The following GJC1 variants were observed in gnomAD, a reference collection of about 807,000 sequenced individuals.
GJC1 encodes the protein gap junction gamma-1 protein.
A neutral mutation model predicts 29.3 loss-of-function variants in GJC1; 5 were observed. That is an observed-to-expected ratio of 0.17 (90% CI 0.09 to 0.36). The LOEUF is 0.36. Among genes scored for constraint, GJC1 ranks in the 10% least tolerant of loss-of-function variants. The pLI, the probability that GJC1 is intolerant of heterozygous loss-of-function variation, is 1.00. For missense variants in GJC1, 310 were observed against 496.2 expected (o/e 0.62, Z 3.56); for synonymous variants, 177 against 183.3 (o/e 0.97, Z 0.28).
At chr17:44,825,188 C>CAAAAAAAAA (rs1162077867) in intron 1 of GJC1, among the ~76,000 whole-genome samples, 13 of 45,980 alleles carry the variant, frequency 2.8e-4, no homozygotes, top group African/African-American at 4.1e-4. Flanking sequence ...GTCTCAATTA[C>CAAAAAAAAA]AAAAAAAAAA....
chr17:44,811,947 G>A (rs2049987643), intron 1 of GJC1, among the ~76,000 whole-genome samples: 1 of 151,448 alleles, frequency 6.6e-6, no homozygotes, highest in Non-Finnish European at 1.5e-5. Flanking sequence ...AGGTTGCAGT[G>A]AGCCGAGATC....
At chr17:44,824,601 C>G (rs2050148575) in intron 1 of GJC1, among the ~76,000 whole-genome samples, 1 of 151,946 alleles carries the variant, frequency 6.6e-6, no homozygotes, top group African/African-American at 2.4e-5. Flanking sequence ...GCACTCCAGA[C>G]TGGGTGACAC....
At chr17:44,821,138 G>A (rs2145355795) in intron 1 of GJC1, among the ~76,000 whole-genome samples, 1 of 152,308 alleles carries the variant, frequency 6.6e-6, no homozygotes, top group Admixed American at 6.5e-5. Flanking sequence ...CTATTTGAAT[G>A]TAAGAACCTT....
downstream of GJC1, among the ~76,000 whole-genome samples, chr17:44,795,468 C>T (rs1406124538): frequency 2.6e-5 from 4 of 152,178 alleles, no homozygotes; most frequent in South Asian, 2.1e-4. Flanking sequence ...CTCCTGACCT[C>T]GTGATCCACC....
chr17:44,804,579 G>A lies in GJC1; in HGVS notation c.*48C>T. On this transcript the variant is annotated 3_prime_UTR_variant, in exon 3 of 3. Transcript: ENST00000592524. ...AATGGAAGTCATTATTCAGTGAGCT[G>A]CTGCTTACCATAAACTATGAAAAGC... The A allele has an allele frequency of 7.4e-7, 1 of 1,358,468 alleles. No homozygotes were observed. The highest frequency in any genetic ancestry group is 1.0e-6 in the Non-Finnish European group (1 of 971,228). 84.2% of individuals were successfully genotyped at this position (1,358,468 alleles called of 1,614,324 possible). A position where few individuals can be genotyped will look rare whatever the true frequency, so the allele number is the denominator to read the frequency against.
intron 1 of GJC1, among the ~76,000 whole-genome samples, chr17:44,828,497 A>T (rs1354658185): frequency 6.6e-6 from 1 of 152,208 alleles, no homozygotes; most frequent in African/African-American, 2.4e-5. Flanking sequence ...ATATTAACAG[A>T]CCTTCCATAC....
At chr17:44,807,922 C>G (rs1320663477) in intron 1 of GJC1, 1 of 152,142 alleles carries the variant, frequency 6.6e-6, no homozygotes, top group Non-Finnish European at 1.5e-5. Context: ...AGCTAAAACA[C>G]CCAACAGCTG....
In GJC1 at chr17:44,801,764, C is replaced by T. The variant is rs1363875311; in HGVS notation, c.*2863G>A. ...GATTGCAGGCGTCCACCCAGCACTCCTGGCTAATTTCTGTATTTTTAGTAG... is the reference window on the plus strand; with the variant it reads ...GATTGCAGGCGTCCACCCAGCACTCTTGGCTAATTTCTGTATTTTTAGTAG... On this transcript the variant is annotated 3_prime_UTR_variant, in exon 3 of 3. Transcript: ENST00000592524. 4 of 152,168 alleles carry T rather than the reference C, an allele frequency of 2.6e-5. No homozygotes were observed. The highest frequency in any genetic ancestry group is 5.9e-5 in the Non-Finnish European group (4 of 68,074). 9.4% of individuals were successfully genotyped at this position (152,168 alleles called of 1,614,324 possible).
chr17:44,808,965 T>C (rs1332578411), intron 1 of GJC1, among the ~76,000 whole-genome samples: 1 of 151,984 alleles, frequency 6.6e-6, no homozygotes, highest in African/African-American at 2.4e-5. Flanking sequence ...TCCCAGCTAT[T>C]TGGGAGGCTG....
downstream of GJC1, chr17:44,794,184 C>G (rs2049770928): frequency 6.6e-6 from 1 of 152,250 alleles, no homozygotes; most frequent in Non-Finnish European, 1.5e-5. Context: ...AGTTCCCACC[C>G]TGTACCATGT....
chr17:44,823,248 GTTTTTTT>G (rs10710605), intron 1 of GJC1, among the ~76,000 whole-genome samples: 2 of 117,832 alleles, frequency 1.7e-5, no homozygotes, highest in African/African-American at 3.3e-5. Flanking sequence ...TTTCTTTCCT[GTTTTTTT>G]TTTTTTTTTT....
At position 44,830,139 on chromosome 17, in the gene GJC1, G is replaced by A. The variant is rs2050215946; in HGVS notation, c.-174C>T. 1 of 153,164 alleles carries A rather than the reference G, an allele frequency of 6.5e-6. No homozygotes were observed. Among genetic ancestry groups the A allele is most frequent in the African/African-American group, 2.4e-5 (1 of 41,402 alleles). 9.5% of individuals were successfully genotyped at this position (153,164 alleles called of 1,614,324 possible). A position where few individuals can be genotyped will look rare whatever the true frequency, so the allele number is the denominator to read the frequency against. ...CGCCGGTCGCGGCCTCATGTGCCCC[G>A]CGTCGCCATCGCCTTCACCCTCGCC... is the stretch of plus-strand genomic sequence containing the variant. On this transcript the variant is annotated 5_prime_UTR_variant, in exon 1 of 3. Coordinates refer to ENST00000592524, the MANE Select transcript of GJC1 (RefSeq NM_005497.4). This position sits in a 1 kb window ranked among gnomAD's most constrained non-coding sequence, Gnocchi z 4.3.
intron 1 of GJC1, among the ~76,000 whole-genome samples, chr17:44,827,130 T>C (rs2050184733): frequency 6.6e-6 from 1 of 152,096 alleles, no homozygotes; most frequent in African/African-American, 2.4e-5. Flanking sequence ...ACCAACATGG[T>C]GAAACCCCGT....
chr17:44,815,749 CAGTTT>C (rs2050034493), intron 1 of GJC1, among the ~76,000 whole-genome samples: 3 of 151,622 alleles, frequency 2.0e-5, no homozygotes, highest in Admixed American at 1.3e-4. Context: ...ATAAACATCT[CAGTTT>C]ATTTTACTGA....
At position 44,805,566 on chromosome 17, in the gene GJC1, C is replaced by T. The variant is rs202021351; in HGVS notation, c.252G>A (p.Val84=). Residue 84 remains valine, a synonymous_variant, in exon 3 of 3, where the codon GTG becomes GTA. Transcript: ENST00000592524. This position sits in a 1 kb window ranked among gnomAD's most constrained non-coding sequence, Gnocchi z 5.1. ...VRFWVFQIIL[V]ATPSVMYLGY... ...CCAGGTACATCACAGAGGGAGTTGC[C>T]ACCAGGATGATCTGGAACACCCAGA... 28 of 1,614,180 alleles carry T rather than the reference C, an allele frequency of 1.7e-5. No homozygotes were observed. The East Asian group carries it at 6.0e-4, about 35-fold the overall frequency.
Position 44,805,914 on chromosome 17 carries a change from T to G in GJC1, c.-20-77A>C. 4 of 681,916 alleles carry G rather than the reference T, an allele frequency of 5.9e-6. No homozygotes were observed. The highest frequency in any genetic ancestry group is 7.4e-6 in the Non-Finnish European group (3 of 404,760). 42.2% of individuals were successfully genotyped at this position (681,916 alleles called of 1,614,324 possible). On this transcript the variant is annotated intron_variant, in intron 2 of 2. Transcript: ENST00000592524. The surrounding 1 kb of genome is among the most constrained non-coding windows in gnomAD (Gnocchi z 5.1). ...ATTTAATTACTAATTATGATATCTCTAGGAACTACTGCTTTGAATACTTGA... is the reference window on the plus strand; with the variant it reads ...ATTTAATTACTAATTATGATATCTCGAGGAACTACTGCTTTGAATACTTGA...
At chr17:44,816,331 T>C (rs2050043690) in intron 1 of GJC1, among the ~76,000 whole-genome samples, 1 of 152,108 alleles carries the variant, frequency 6.6e-6, no homozygotes, top group African/African-American at 2.4e-5. Flanking sequence ...GACACAAATC[T>C]ACCTTGTCTT....
chr17:44,816,134 A>AAAAAAG (rs1567712031), intron 1 of GJC1, among the ~76,000 whole-genome samples: 6 of 149,864 alleles, frequency 4.0e-5, no homozygotes, highest in Admixed American at 1.3e-4. Context: ...AAAAAAAAAA[A>AAAAAAG]AAAAGTTGCT....
In GJC1 at chr17:44,828,039, C is replaced by T. The variant is rs543264558; in HGVS notation, c.-97+2023G>A. Among the ~76,000 whole-genome samples, 8 of 152,280 alleles carry T rather than the reference C, an allele frequency of 5.3e-5. No homozygotes were observed. The South Asian group carries it at 1.7e-3, about 32-fold the overall frequency. On this transcript the variant is annotated intron_variant, in intron 1 of 2. Transcript: ENST00000592524. ...ATGCTCTGGATTTAAATTATATATC[C>T]TGTATTCTAAGATCCTCATTACTCA... is the stretch of plus-strand genomic sequence containing the variant.
Sources: allele counts gnomAD v4.1 joint callset (sites outside exome capture counted in the v4.1 genomes callset), GRCh38; gene constraint gnomAD v4.1.1; non-coding constraint Gnocchi (gnomAD v3.1); transcripts MANE v1.5; gene names NCBI Gene and HGNC (gene_info 2026-07-23, HGNC 2026-07-21).